XRRA1: variants seen among roughly 807,000 people sequenced by gnomAD.
XRRA1 encodes the protein X-ray radiation resistance associated 1, also known as X-ray radiation resistance-associated protein 1.
In XRRA1, 69 loss-of-function variants were observed where a neutral mutation model predicts 80.2. The ratio of observed to expected loss-of-function variants is 0.86; its 90% CI spans 0.71 to 1.05. XRRA1 has a LOEUF of 1.05. Ranked by LOEUF, XRRA1 falls within the 50% of genes least tolerant of loss-of-function variation. The pLI, the probability that XRRA1 is intolerant of heterozygous loss-of-function variation, is 0.00. For missense variants in XRRA1, 967 were observed against 976.4 expected (o/e 0.99, Z 0.13); for synonymous variants, 348 against 389.9 (o/e 0.89, Z 1.27).
rs1033248312 is a variant in XRRA1 at position 74,949,051 on chromosome 11, C to A, written c.-196G>T. On this transcript the variant is annotated 5_prime_UTR_variant, in exon 1 of 19. Transcript: ENST00000684022. ...GCTCCACTGCGGTGCCTGCCGCTAT[C>A]TTCCCCACGCCTTAGTAACTGCGAC... 1.2e-5 allele frequency: 5 copies of A among 416,866 alleles called. No individual in the cohort carries two copies. The highest frequency in any genetic ancestry group is 2.1e-5 in the African/African-American group (1 of 47,990). The allele number at this position is 416,866 out of a possible 1,614,324, so 25.8% of individuals were successfully genotyped here. A position where few individuals can be genotyped will look rare whatever the true frequency, so the allele number is the denominator to read the frequency against.
intron 10 of XRRA1, among the ~76,000 whole-genome samples, chr11:74,903,824 G>T (rs1458769520): frequency 6.6e-6 from 1 of 152,160 alleles, no homozygotes; most frequent in Non-Finnish European, 1.5e-5. Context: ...TTACCATTAT[G>T]TAAATTACAA....
chr11:74,916,558 A>AT (rs1938754385), intron 8 of XRRA1, among the ~76,000 whole-genome samples: 1 of 151,718 alleles, frequency 6.6e-6, no homozygotes, highest in Non-Finnish European at 1.5e-5. Flanking sequence ...TTAATATATC[A>AT]TTTTCTTGAC....
chr11:74,930,296 T>C lies in XRRA1; in HGVS notation c.424+4A>G, dbSNP rs147410439. On this transcript the variant is annotated splice_donor_region_variant and intron_variant, in intron 6 of 18. Coordinates refer to ENST00000684022, the MANE Select transcript of XRRA1 (RefSeq NM_001378157.1). ...AGAGAGCTTTCAAGAAAGAAAAAGC[T>C]TACCTAGAGGCAGCAGGTTTTCTGA... The C allele has an allele frequency of 9.7e-5, 152 of 1,561,934 alleles. 1 individual carries two copies. The East Asian group carries it at 3.5e-3, about 36-fold the overall frequency.
At chr11:74,894,467 G>A (rs1344848583) in intron 10 of XRRA1, among the ~76,000 whole-genome samples, 1 of 152,146 alleles carries the variant, frequency 6.6e-6, no homozygotes, top group Non-Finnish European at 1.5e-5. Flanking sequence ...AAAGAAAATT[G>A]ACTCACAGTT....
intron 10 of XRRA1, chr11:74,876,709 A>C (rs1436893427): frequency 6.6e-6 from 1 of 152,202 alleles, no homozygotes; most frequent in Non-Finnish European, 1.5e-5. Context: ...GAGCAACCCC[A>C]GACAGCCCAG....
Position 74,921,233 on chromosome 11 carries a change from T to G in XRRA1, c.637A>C (p.Asn213His), listed in dbSNP as rs1940675095. The G allele has an allele frequency of 6.2e-7, 1 of 1,613,734 alleles. No homozygotes were observed. Among genetic ancestry groups the G allele is most frequent in the Non-Finnish European group, 8.5e-7 (1 of 1,179,768 alleles). ...TGNGLTSLPP[N>H]LAVAEQEASV... is the part of the protein sequence containing the mutation. The stretch of plus-strand genomic sequence containing the variant: ...ACTTACTGTTCTGCGACGGCCAAAT[T>G]GGGCGGCAGGGAGGTAAGGCCATTG... Residue 213 changes from asparagine to histidine, a missense_variant, in exon 8 of 19, where the codon AAT becomes CAT. Coordinates refer to ENST00000684022, the MANE Select transcript of XRRA1 (RefSeq NM_001378157.1).
chr11:74,897,706 T>TAAAAAAAAAAAAAAAAAAA (rs61193896), intron 10 of XRRA1, among the ~76,000 whole-genome samples: 1 of 84,440 alleles, frequency 1.2e-5, no homozygotes, highest in Non-Finnish European at 2.3e-5. Context: ...TTTAAACTGC[T>TAAAAAAAAAAAAAAAAAAA]AAAAAAAAAA....
chr11:74,928,954 C>A (rs1226638764), intron 6 of XRRA1, among the ~76,000 whole-genome samples: 1 of 152,064 alleles, frequency 6.6e-6, no homozygotes, highest in Admixed American at 6.5e-5. Context: ...TCACTCCTGC[C>A]AATATTTGAC....
At chr11:74,905,170 C>G (rs966416468) in intron 10 of XRRA1, among the ~76,000 whole-genome samples, 1 of 151,990 alleles carries the variant, frequency 6.6e-6, no homozygotes, top group Non-Finnish European at 1.5e-5. Flanking sequence ...CCCCAGTAGC[C>G]AGGACTATAG....
At chr11:74,872,101 C>A (rs1366027375) in intron 10 of XRRA1, among the ~76,000 whole-genome samples, 1 of 152,148 alleles carries the variant, frequency 6.6e-6, no homozygotes, top group Non-Finnish European at 1.5e-5. Flanking sequence ...GATGACTCCA[C>A]AAATGAATGG....
intron 1 of XRRA1, among the ~76,000 whole-genome samples, chr11:74,946,645 T>C (rs1175365606): frequency 6.6e-6 from 1 of 152,234 alleles, no homozygotes; most frequent in Non-Finnish European, 1.5e-5. Context: ...ATACAGGCAC[T>C]ATACCACACT....
chr11:74,858,005 A>G (rs897454587), intron 12 of XRRA1, among the ~76,000 whole-genome samples: 2 of 152,240 alleles, frequency 1.3e-5, no homozygotes, highest in African/African-American at 4.8e-5. Flanking sequence ...TAGAAAGAAG[A>G]AAGGTCTAAA....
chr11:74,926,250 C>A (rs1365758581), intron 7 of XRRA1, among the ~76,000 whole-genome samples: 1 of 152,162 alleles, frequency 6.6e-6, no homozygotes, highest in Non-Finnish European at 1.5e-5. Flanking sequence ...AGGTGGCCAT[C>A]CCAAGAGGTT....
intron 15 of XRRA1, 23 bp from the exon 16 acceptor site, chr11:74,845,294 T>A: frequency 6.3e-7 from 1 of 1,591,252 alleles, no homozygotes; most frequent in South Asian, 1.1e-5. Flanking sequence ...AGAAAACGCA[T>A]TCATTTGTCA....
At chr11:74,893,348 T>C (rs149031138) in intron 10 of XRRA1, among the ~76,000 whole-genome samples, 2,075 of 140,934 alleles carry the variant, frequency 0.015, 35 homozygotes, top group African/African-American at 0.054. Flanking sequence ...TAGGTGGGAA[T>C]TGAACAATGA....
chr11:74,848,299 G>T lies in XRRA1; in HGVS notation c.1544C>A (p.Thr515Asn). 1 of 1,613,944 alleles carries T rather than the reference G, an allele frequency of 6.2e-7. No homozygotes were observed. Residue 515 changes from threonine (T) to asparagine (N), a missense_variant, in exon 15 of 19, where the codon ACT becomes AAT. Coordinates refer to ENST00000684022, the MANE Select transcript of XRRA1 (RefSeq NM_001378157.1). ...KSTSVESEMP[T>N]ENLEGHSPSC... ...CGGGGAATGGCCTTCCAGGTTCTCAGTGGGCATCTCTGACTCCACAGAAGT... is the reference window on the plus strand; with the variant it reads ...CGGGGAATGGCCTTCCAGGTTCTCATTGGGCATCTCTGACTCCACAGAAGT...
At chr11:74,918,112 G>A (rs1939359053) in intron 8 of XRRA1, among the ~76,000 whole-genome samples, 1 of 152,152 alleles carries the variant, frequency 6.6e-6, no homozygotes, top group Non-Finnish European at 1.5e-5. Context: ...CCCTTCAGAA[G>A]TGAAGGTTCA....
At chr11:74,851,337 A>C in intron 13 of XRRA1, 134 bp from the exon 14 acceptor site, 1 of 560,258 alleles carries the variant, frequency 1.8e-6, no homozygotes, top group Non-Finnish European at 3.1e-6. Flanking sequence ...GTAGGTCGAG[A>C]ATTCCTACCT....
At chr11:74,904,417 G>C (rs887582835) in intron 10 of XRRA1, among the ~76,000 whole-genome samples, 5 of 151,598 alleles carry the variant, frequency 3.3e-5, no homozygotes, top group African/African-American at 1.2e-4. Flanking sequence ...GCACGATCGT[G>C]TAACCGCACT....
Sources: gnomAD v4.1 joint callset for allele counts (sites outside exome capture counted in the v4.1 genomes callset) on GRCh38, gnomAD v4.1.1 for gene constraint, MANE v1.5 for transcripts, NCBI Gene and HGNC (gene_info 2026-07-23, HGNC 2026-07-21) for gene names.